The following GRB10 variants were observed in gnomAD, a reference collection of about 807,000 sequenced individuals.
The protein encoded by GRB10 is growth factor receptor bound protein 10.
Under a neutral mutation model 80.9 loss-of-function variants are expected in GRB10, and 20 were observed. The ratio of observed to expected loss-of-function variants is 0.25; its 90% CI spans 0.17 to 0.36. The LOEUF is 0.36. Among genes scored for constraint, GRB10 ranks in the 10% least tolerant of loss-of-function variants. The pLI is 1.00. For missense variants in GRB10, 548 were observed against 747.7 expected (o/e 0.73, Z 3.12); for synonymous variants, 291 against 291.5 (o/e 1.00, Z 0.02).
intron 8 of GRB10, among the ~76,000 whole-genome samples, chr7:50,622,676 GC>G (rs1281825860): frequency 6.6e-6 from 1 of 152,070 alleles, no homozygotes; most frequent in Non-Finnish European, 1.5e-5. Context: ...GGCACCAGGT[GC>G]CCCCCACATT....
In GRB10 at chr7:50,789,110, C is replaced by T. The variant is rs145630442; in HGVS notation, c.-294+4114G>A. Among the ~76,000 whole-genome samples the T allele has an allele frequency of 7.5e-4, 114 of 152,354 alleles. 1 individual carries two copies. Among genetic ancestry groups the T allele is most frequent in the African/African-American group, 2.5e-3 (106 of 41,594 alleles). On this transcript the variant is annotated intron_variant, in intron 1 of 16. Coordinates refer to the GRB10 transcript ENST00000335866. ...TACCTGTGAGGAGTTCAAACTGTCA[C>T]GCTAAACACAGTCAACAAAAGGATT...
At chr7:50,707,954 G>A (rs932242464) in intron 4 of GRB10, among the ~76,000 whole-genome samples, 1 of 152,112 alleles carries the variant, frequency 6.6e-6, no homozygotes, top group African/African-American at 2.4e-5. Context: ...CAAGTAACTT[G>A]CAAACCTAAT....
chr7:50,738,725 GATA>G (rs959440184), intron 3 of GRB10, among the ~76,000 whole-genome samples: 4 of 152,210 alleles, frequency 2.6e-5, no homozygotes, highest in African/African-American at 7.2e-5. Context: ...CATATTCACA[GATA>G]ATGAGGAATA....
chr7:50,661,935 T>C (rs1275241990), intron 7 of GRB10, among the ~76,000 whole-genome samples: 2 of 152,212 alleles, frequency 1.3e-5, no homozygotes, highest in Admixed American at 1.3e-4. Flanking sequence ...TCTCCGGCCC[T>C]AGACTTCCTG....
chr7:50,634,431 A>G (rs1333690158), intron 7 of GRB10, among the ~76,000 whole-genome samples: 1 of 152,274 alleles, frequency 6.6e-6, no homozygotes, highest in Non-Finnish European at 1.5e-5. Flanking sequence ...ACTCACCATC[A>G]TAACAGCATA....
At chr7:50,603,948 C>T in intron 17 of GRB10, 50 bp downstream of exon 17, 1 of 1,350,868 alleles carries the variant, frequency 7.4e-7, no homozygotes, top group Non-Finnish European at 1.1e-6. Flanking sequence ...AGATCCCCAG[C>T]ACAATAAAAC....
At chr7:50,737,835 C>G (rs975364603) in intron 3 of GRB10, among the ~76,000 whole-genome samples, 2 of 152,100 alleles carry the variant, frequency 1.3e-5, no homozygotes, top group Non-Finnish European at 2.9e-5. Context: ...GCGACAAGAG[C>G]AAAACTCTAC....
intron 3 of GRB10, among the ~76,000 whole-genome samples, chr7:50,749,076 C>G (rs1001820054): frequency 6.6e-6 from 1 of 151,418 alleles, no homozygotes; most frequent in Non-Finnish European, 1.5e-5. Flanking sequence ...TTTACAAACA[C>G]GTTAGTCAAT....
intron 13 of GRB10, among the ~76,000 whole-genome samples, chr7:50,610,969 C>G (rs1027703936): frequency 6.6e-6 from 1 of 151,626 alleles, no homozygotes; most frequent in Non-Finnish European, 1.5e-5. Flanking sequence ...TTGGAGTATA[C>G]TACCACTTTC....
chr7:50,686,432 G>T (rs976349067), intron 5 of GRB10, among the ~76,000 whole-genome samples: 6 of 152,164 alleles, frequency 3.9e-5, no homozygotes, highest in Non-Finnish European at 8.8e-5. Flanking sequence ...AACTCAAACA[G>T]ACTAAGACAG....
upstream of GRB10, among the ~76,000 whole-genome samples, chr7:50,784,737 A>T (rs1034252168): frequency 2.6e-5 from 4 of 152,256 alleles, no homozygotes; most frequent in Admixed American, 6.5e-5. Context: ...CATAAAAGCC[A>T]GTGGTCAAGA....
At chr7:50,665,336 A>G (rs1297379606) in intron 7 of GRB10, among the ~76,000 whole-genome samples, 1 of 152,264 alleles carries the variant, frequency 6.6e-6, no homozygotes, top group East Asian at 1.9e-4. Flanking sequence ...AAGCCAAAAC[A>G]TTGCTGTTTT....
intron 2 of GRB10, among the ~76,000 whole-genome samples, chr7:50,775,772 G>A (rs1044073783): frequency 2.0e-5 from 3 of 152,220 alleles, no homozygotes; most frequent in Non-Finnish European, 4.4e-5. Flanking sequence ...CTTGCACTCT[G>A]CATACTTGCA....
intron 8 of GRB10, among the ~76,000 whole-genome samples, chr7:50,620,613 G>A (rs368256776): frequency 9.8e-5 from 15 of 152,298 alleles, no homozygotes; most frequent in African/African-American, 2.9e-4. Flanking sequence ...TTTTCTCCCC[G>A]TGGCTGCCAG....
chr7:50,615,458 C>A (rs1357705186), intron 11 of GRB10, among the ~76,000 whole-genome samples: 3 of 152,248 alleles, frequency 2.0e-5, no homozygotes, highest in Non-Finnish European at 4.4e-5. Flanking sequence ...CTGCAGACGC[C>A]CCTTCTCTCT....
chr7:50,684,467 A>C (rs560025676), intron 5 of GRB10, among the ~76,000 whole-genome samples: 1 of 152,246 alleles, frequency 6.6e-6, no homozygotes, highest in East Asian at 1.9e-4. Flanking sequence ...AAAAGCATGT[A>C]AAGTTTCCTT....
At chr7:50,681,440 G>C (rs1490371318) in intron 5 of GRB10, among the ~76,000 whole-genome samples, 2 of 152,210 alleles carry the variant, frequency 1.3e-5, no homozygotes, top group Non-Finnish European at 2.9e-5. Flanking sequence ...GATGCCGCCC[G>C]ACCTTAAGGC....
intron 9 of GRB10, among the ~76,000 whole-genome samples, chr7:50,618,612 A>G (rs754797380): frequency 6.6e-6 from 1 of 152,210 alleles, no homozygotes; most frequent in Non-Finnish European, 1.5e-5. Flanking sequence ...TCCCCAGTTG[A>G]TGCAGCTCTG....
At chr7:50,719,847 C>A (rs1030483319) in intron 4 of GRB10, among the ~76,000 whole-genome samples, 1 of 151,780 alleles carries the variant, frequency 6.6e-6, no homozygotes, top group Non-Finnish European at 1.5e-5. Flanking sequence ...GAGTTTACTC[C>A]TTTTATAGGT....
Sources: allele counts gnomAD v4.1 joint callset (sites outside exome capture counted in the v4.1 genomes callset), GRCh38; gene constraint gnomAD v4.1.1; transcripts MANE v1.5; gene names NCBI Gene and HGNC (gene_info 2026-07-23, HGNC 2026-07-21).